The following SLAMF6 variants were observed in gnomAD, a reference collection of about 807,000 sequenced individuals.
The protein encoded by SLAMF6 is NK-T-B-antigen.
A neutral mutation model predicts 38.3 loss-of-function variants in SLAMF6; 21 were observed. That is an observed-to-expected ratio of 0.55 (90% confidence interval 0.39 to 0.79). The LOEUF is 0.79. SLAMF6 is among the 30% of genes least tolerant of loss of function. The pLI is 0.00. For missense variants in SLAMF6, 341 were observed against 385.3 expected, an observed-to-expected ratio of 0.89 and a Z score of 0.96; for synonymous variants, 152 against 146.3, an observed-to-expected ratio of 1.04 and a Z score of -0.28.
At chr1:160,501,224 A>AAACTGGG (rs1366039515) in intron 1 of SLAMF6, among the ~76,000 whole-genome samples, 3 of 152,180 alleles carry the variant, frequency 2.0e-5, no homozygotes. Flanking sequence ...TCTAGACTGG[A>AAACTGGG]AACTGGGAAT....
At chr1:160,515,301 A>G (rs996887827) in intron 1 of SLAMF6, among the ~76,000 whole-genome samples, 35 of 152,216 alleles carry the variant, frequency 2.3e-4, no homozygotes, top group African/African-American at 8.2e-4. Context: ...CCCTCCCAAG[A>G]CTGAACCAGG....
intron 1 of SLAMF6, among the ~76,000 whole-genome samples, chr1:160,519,147 G>A (rs1654875278): frequency 2.0e-5 from 3 of 152,040 alleles, no homozygotes; most frequent in Non-Finnish European, 4.4e-5. Flanking sequence ...AATGGGCAAA[G>A]GACTTGAATA....
At chr1:160,505,099 T>C (rs1039621610) in intron 1 of SLAMF6, among the ~76,000 whole-genome samples, 2 of 152,146 alleles carry the variant, frequency 1.3e-5, no homozygotes, top group Non-Finnish European at 1.5e-5. Flanking sequence ...TAGTTGACCA[T>C]AAGCTAAAGA....
At chr1:160,489,296 G>C (rs1245888017) in intron 5 of SLAMF6, 126 bp from the exon 6 acceptor site, 3 of 838,176 alleles carry the variant, frequency 3.6e-6, no homozygotes, top group Non-Finnish European at 5.9e-6. Context: ...CCTTTCCTGA[G>C]GGATCATTCG....
chr1:160,487,296 G>C (rs767948519), intron 6 of SLAMF6, 121 bp from the exon 7 acceptor site: 4 of 872,412 alleles, frequency 4.6e-6, no homozygotes, highest in Non-Finnish European at 7.0e-6. Flanking sequence ...CCAGAGGAAG[G>C]CTGGGGAATG....
chr1:160,516,128 C>T (rs1024755475), intron 1 of SLAMF6, among the ~76,000 whole-genome samples: 12 of 152,152 alleles, frequency 7.9e-5, no homozygotes, highest in Non-Finnish European at 1.6e-4. Flanking sequence ...CCAAAAGCTT[C>T]TTAAGCTCAC....
At chr1:160,501,687 A>C (rs1307096169) in intron 1 of SLAMF6, among the ~76,000 whole-genome samples, 1 of 147,044 alleles carries the variant, frequency 6.8e-6, no homozygotes, top group Non-Finnish European at 1.5e-5. Context: ...AATTCTTCCA[A>C]TAATGCCTTG....
intron 1 of SLAMF6, among the ~76,000 whole-genome samples, chr1:160,497,802 G>T (rs1212103676): frequency 6.6e-6 from 1 of 152,162 alleles, no homozygotes; most frequent in South Asian, 2.1e-4. Context: ...TACTGCAAAA[G>T]ACATGATTTA....
intron 1 of SLAMF6, among the ~76,000 whole-genome samples, chr1:160,520,243 C>T (rs1321650733): frequency 6.6e-6 from 1 of 152,152 alleles, no homozygotes; most frequent in Non-Finnish European, 1.5e-5. Context: ...AGAATCAGCC[C>T]TCATGTGTTT....
At chr1:160,503,000 A>G (rs1674511676) in intron 1 of SLAMF6, among the ~76,000 whole-genome samples, 1 of 152,130 alleles carries the variant, frequency 6.6e-6, no homozygotes, top group African/African-American at 2.4e-5. Context: ...ATATGGTGAA[A>G]GGGAGTATTC....
intron 1 of SLAMF6, among the ~76,000 whole-genome samples, chr1:160,511,145 C>A (rs3953020): frequency 0.026 from 3,923 of 152,164 alleles, 104 homozygotes; most frequent in East Asian, 0.11. Flanking sequence ...TATGCCGATA[C>A]CACCAAAAGC....
At chr1:160,502,459 T>C (rs2102039924) in intron 1 of SLAMF6, among the ~76,000 whole-genome samples, 1 of 152,338 alleles carries the variant, frequency 6.6e-6, no homozygotes, top group South Asian at 2.1e-4. Flanking sequence ...TACTGTATGA[T>C]GTGTTTTGGG....
chr1:160,491,098 G>A (rs1453889331), intron 3 of SLAMF6, 27 bp downstream of exon 3: 5 of 1,611,302 alleles, frequency 3.1e-6, no homozygotes, highest in African/African-American at 1.3e-5. Context: ...GCTGCTCAAG[G>A]CTCTCAGACC....
At chr1:160,492,846 G>T (rs1357874309) in intron 2 of SLAMF6, among the ~76,000 whole-genome samples, 1 of 152,052 alleles carries the variant, frequency 6.6e-6, no homozygotes, top group Admixed American at 6.6e-5. Context: ...GGAAATCCTG[G>T]TGGCTTTACC....
Position 160,486,123 on chromosome 1 carries a change from T to C in SLAMF6, c.*584A>G, listed in dbSNP as rs760817676. The C allele has an allele frequency of 6.6e-6, 1 of 152,510 alleles. No individual in the cohort carries two copies. The highest frequency in any genetic ancestry group is 1.5e-5 in the Non-Finnish European group (1 of 68,162). The allele number at this position is 152,510 out of a possible 1,614,324, so 9.4% of individuals were successfully genotyped here. On this transcript the variant is annotated 3_prime_UTR_variant, in exon 8 of 8. Coordinates refer to ENST00000368057, the MANE Select transcript of SLAMF6 (RefSeq NM_001184714.2). ...CGACATCAATGAAACTCAAGGGAAATGCTTATTGGAGCATTTTGAATTTTG... is the reference window on the plus strand; with the variant it reads ...CGACATCAATGAAACTCAAGGGAAACGCTTATTGGAGCATTTTGAATTTTG...
chr1:160,497,021 A>C (rs866250045), intron 1 of SLAMF6, among the ~76,000 whole-genome samples: 15 of 152,300 alleles, frequency 9.8e-5, no homozygotes, highest in African/African-American at 3.6e-4. Flanking sequence ...CCAGGGTTGC[A>C]CAGCTAAAGA....
At chr1:160,518,914 G>C (rs114715113) in intron 1 of SLAMF6, among the ~76,000 whole-genome samples, 3,220 of 152,124 alleles carry the variant, frequency 0.021, 117 homozygotes, top group African/African-American at 0.074. Flanking sequence ...GTGTATCCTG[G>C]AACTTAAAAT....
At chr1:160,511,322 A>AT (rs1654461977) in intron 1 of SLAMF6, among the ~76,000 whole-genome samples, 1 of 152,224 alleles carries the variant, frequency 6.6e-6, no homozygotes, top group African/African-American at 2.4e-5. Flanking sequence ...TTCAAAACTG[A>AT]TACAGATATG....
intron 1 of SLAMF6, among the ~76,000 whole-genome samples, chr1:160,518,208 A>G (rs1654830817): frequency 6.6e-6 from 1 of 152,200 alleles, no homozygotes; most frequent in African/African-American, 2.4e-5. Context: ...ACAATGGGAT[A>G]CCATCTCACA....
Sources: allele counts gnomAD v4.1 joint callset (sites outside exome capture counted in the v4.1 genomes callset), GRCh38; gene constraint gnomAD v4.1.1; transcripts MANE v1.5; gene names NCBI Gene and HGNC (gene_info 2026-07-23, HGNC 2026-07-21).